Variants in CTNNA2 observed in about 807,000 individuals in gnomAD.
CTNNA2 encodes catenin alpha-2.
A neutral mutation model predicts 101.0 loss-of-function variants in CTNNA2; 42 were observed. The ratio of observed to expected loss-of-function variants is 0.42; its 90% CI spans 0.32 to 0.54. The LOEUF (loss-of-function observed/expected upper bound fraction) is 0.54. Ranked by LOEUF, CTNNA2 falls within the 20% of genes least tolerant of loss-of-function variation. CTNNA2 has a pLI of 0.14. For synonymous variants in CTNNA2, 450 were observed against 456.4 expected (o/e 0.99, Z 0.18); for missense variants, 871 against 1,223.1 (o/e 0.71, Z 4.29).
At chr2:80,051,364 G>A (rs934730385) in intron 7 of CTNNA2, among the ~76,000 whole-genome samples, 3 of 152,100 alleles carry the variant, frequency 2.0e-5, no homozygotes, top group Non-Finnish European at 2.9e-5. Context: ...AATAATGGTT[G>A]GAACATGTTT....
intron 12 of CTNNA2, 46 bp from the exon 13 acceptor site, chr2:80,574,117 G>T: frequency 6.3e-7 from 1 of 1,581,146 alleles, no homozygotes. Context: ...ATAAGAGGTA[G>T]TGAGAGAGAA....
At chr2:79,373,532 C>CA (rs1677919948) in intron 3 of CTNNA2, among the ~76,000 whole-genome samples, 1 of 152,098 alleles carries the variant, frequency 6.6e-6, no homozygotes, top group African/African-American at 2.4e-5. Context: ...TTCAAGCACT[C>CA]AGTCAGTGCA....
chr2:79,425,060 G>A (rs540929568), intron 4 of CTNNA2, among the ~76,000 whole-genome samples: 19 of 152,074 alleles, frequency 1.2e-4, no homozygotes, highest in African/African-American at 4.3e-4. Context: ...TAGACAGAGG[G>A]GAAAAAGAAA....
intron 4 of CTNNA2, among the ~76,000 whole-genome samples, chr2:79,454,673 A>G (rs1670794545): frequency 6.6e-6 from 1 of 152,224 alleles, no homozygotes; most frequent in African/African-American, 2.4e-5. Context: ...TGGAGGTTAA[A>G]TGATTGAGTC....
intron 3 of CTNNA2, among the ~76,000 whole-genome samples, chr2:79,826,932 G>T (rs1678489678): frequency 6.6e-6 from 1 of 152,182 alleles, no homozygotes; most frequent in South Asian, 2.1e-4. Context: ...GGAGACACTG[G>T]CCACTTTATT....
intron 1 of CTNNA2, among the ~76,000 whole-genome samples, chr2:79,599,803 T>C (rs909299708): frequency 6.6e-6 from 1 of 152,182 alleles, no homozygotes; most frequent in Admixed American, 6.5e-5. Context: ...CAAGGGAAAG[T>C]TTCTTTGCCA....
At chr2:79,674,763 C>T (rs1683075176) in intron 2 of CTNNA2, among the ~76,000 whole-genome samples, 1 of 152,192 alleles carries the variant, frequency 6.6e-6, no homozygotes, top group African/African-American at 2.4e-5. Context: ...AAGCTATTTT[C>T]ACTTGATACT....
At chr2:79,947,864 G>A (rs1027983033) in intron 7 of CTNNA2, among the ~76,000 whole-genome samples, 28 of 152,076 alleles carry the variant, frequency 1.8e-4, no homozygotes, top group African/African-American at 6.5e-4. Flanking sequence ...TTATGAAAGA[G>A]GTAATGTTTG....
chr2:79,618,929 G>A (rs1009566421), intron 1 of CTNNA2, among the ~76,000 whole-genome samples: 1 of 152,150 alleles, frequency 6.6e-6, no homozygotes, highest in Admixed American at 6.5e-5. Flanking sequence ...GCCCAGGTTG[G>A]GTGTGGTGGC....
chr2:80,302,640 G>C lies in CTNNA2; in HGVS notation c.1057-90571G>C. Reference sequence around the variant, plus strand: ...TGCTGCCCCTCCCCGCCGTCCGCGAGCGTGGTGGCCGAGCTGGCAGGGGGC... The same window carrying C: ...TGCTGCCCCTCCCCGCCGTCCGCGACCGTGGTGGCCGAGCTGGCAGGGGGC... On this transcript the variant is annotated intron_variant, in intron 7 of 18. Transcript: ENST00000402739. The surrounding 1 kb of genome is among the most constrained non-coding windows in gnomAD (Gnocchi z 6.4). 3.1e-6 allele frequency: 5 copies of C among 1,607,810 alleles called. No individual in the cohort carries two copies. The highest frequency in any genetic ancestry group is 4.2e-6 in the Non-Finnish European group (5 of 1,178,436).
chr2:80,201,863 A>T (rs1707234742), intron 7 of CTNNA2, among the ~76,000 whole-genome samples: 1 of 152,124 alleles, frequency 6.6e-6, no homozygotes, highest in African/African-American at 2.4e-5. Context: ...TCTGTTAAAC[A>T]CTAATTAAAG....
chr2:80,596,279 G>GTTTTTTTTTTTTTTTTT lies in CTNNA2; in HGVS notation c.2189+6826_2189+6842dup, dbSNP rs60132060. Among the ~76,000 whole-genome samples the GTTTTTTTTTTTTTTTTT allele has an allele frequency of 2.8e-4, 10 of 35,324 alleles. 3 individuals carry two copies. The highest frequency in any genetic ancestry group is 5.4e-4 in the Non-Finnish European group (10 of 18,620). 23.2% of individuals were successfully genotyped at this position (35,324 alleles called of 152,430 possible). A position where few individuals can be genotyped will look rare whatever the true frequency, so the allele number is the denominator to read the frequency against. ...AGTTTTTTTGGGCTGAGACAAGGTT[G>GTTTTTTTTTTTTTTTTT]TTTTTTTTTTTTTTTTTTTTTTTTT... is the stretch of plus-strand genomic sequence containing the variant. On this transcript the variant is annotated intron_variant, in intron 15 of 18. Coordinates refer to ENST00000402739, the MANE Select transcript of CTNNA2 (RefSeq NM_001282597.3).
intron 7 of CTNNA2, among the ~76,000 whole-genome samples, chr2:80,062,952 G>T (rs1697710612): frequency 6.6e-6 from 1 of 152,116 alleles, no homozygotes; most frequent in Non-Finnish European, 1.5e-5. Context: ...TGATCCACCT[G>T]CCTCGGCCTC....
intron 7 of CTNNA2, among the ~76,000 whole-genome samples, chr2:80,118,647 G>A (rs756233515): frequency 5.9e-5 from 9 of 152,216 alleles, no homozygotes; most frequent in African/African-American, 1.2e-4. Context: ...TTTCTATGAA[G>A]CCAATTCATG....
chr2:80,589,905 T>TGTGTGTGTGTGTGCGC (rs1491383706), intron 15 of CTNNA2, among the ~76,000 whole-genome samples: 1 of 114,498 alleles, frequency 8.7e-6, no homozygotes, highest in African/African-American at 3.1e-5. Flanking sequence ...TGTGTGTGTG[T>TGTGTGTGTGTGTGCGC]GCGCGCGCGC....
rs1024960007 is a variant in CTNNA2, at chr2:80,316,387, C to T, written c.1057-76824C>T. On this transcript the variant is annotated intron_variant, in intron 7 of 18. Transcript: ENST00000402739. ...GGCATGTACTTAAACTGACCTTTTCCATTTCTGAACCATTACTTAACTGGA... is the reference window on the plus strand; with the variant it reads ...GGCATGTACTTAAACTGACCTTTTCTATTTCTGAACCATTACTTAACTGGA... 2.6e-5 allele frequency among the ~76,000 whole-genome samples: 4 copies of T among 152,220 alleles called. No homozygotes were observed. In the East Asian group the frequency reaches 7.7e-4, roughly 29 times the overall value.
intron 3 of CTNNA2, among the ~76,000 whole-genome samples, chr2:79,791,206 A>G (rs1314713455): frequency 6.6e-6 from 1 of 152,184 alleles, no homozygotes; most frequent in African/African-American, 2.4e-5. Flanking sequence ...GATCTGTTCA[A>G]TGGTTGTCAC....
At chr2:80,322,602 G>A (rs958173204) in intron 7 of CTNNA2, among the ~76,000 whole-genome samples, 1 of 151,634 alleles carries the variant, frequency 6.6e-6, no homozygotes, top group Non-Finnish European at 1.5e-5. Context: ...CGCCAGCCTG[G>A]CCCCGGCGCA....
intron 4 of CTNNA2, among the ~76,000 whole-genome samples, chr2:79,869,362 G>A (rs1445624312): frequency 6.6e-6 from 1 of 152,204 alleles, no homozygotes. Flanking sequence ...TGCTAGAGAT[G>A]TTGTCAACAT....
Sources: gnomAD v4.1 joint callset for allele counts (sites outside exome capture counted in the v4.1 genomes callset) on GRCh38, gnomAD v4.1.1 for gene constraint, Gnocchi (gnomAD v3.1) non-coding constraint, MANE v1.5 for transcripts, NCBI Gene and HGNC (gene_info 2026-07-23, HGNC 2026-07-21) for gene names.